REXO2: variants seen among roughly 807,000 people sequenced by gnomAD.
The protein encoded by REXO2 is oligoribonuclease, mitochondrial.
A neutral mutation model predicts 30.9 loss-of-function variants in REXO2; 17 were observed. The observed-to-expected ratio is 0.55, with a 90% CI of 0.38 to 0.82. REXO2 has a LOEUF of 0.82. REXO2 is among the 40% of genes least tolerant of loss of function. The pLI is 0.00. For missense variants in REXO2, 253 were observed against 293.2 expected (o/e 0.86, Z 1.00); for synonymous variants, 105 against 99.6 (o/e 1.05, Z -0.32).
Position 114,439,648 on chromosome 11 carries a change from T to C in REXO2, c.120T>C (p.Ala40=). ...GAAMAAGESM[A]QRMVWVDLEM... ...CCATGGCGGCAGGGGAGAGCATGGC[T>C]CAGCGGATGGTCTGGGTGGACCTGG... The change falls in exon 1 of 7, where the codon GCT becomes GCC. Residue 40 remains alanine (A), a synonymous_variant. Coordinates refer to ENST00000265881, the MANE Select transcript of REXO2 (RefSeq NM_015523.4). The C allele has an allele frequency of 6.3e-7, 1 of 1,584,474 alleles. No homozygotes were observed. Among genetic ancestry groups the C allele is most frequent in the Non-Finnish European group, 8.6e-7 (1 of 1,168,134 alleles).
At chr11:114,444,758 C>G (rs1199606873) in intron 4 of REXO2, 106 bp downstream of exon 4, 1 of 591,126 alleles carries the variant, frequency 1.7e-6, no homozygotes, top group East Asian at 3.3e-5. Flanking sequence ...TCCACTTAAC[C>G]CTGCTTTGGG....
intron 2 of REXO2, chr11:114,441,776 A>G (rs1946479957): frequency 4.3e-6 from 3 of 702,278 alleles, no homozygotes; most frequent in African/African-American, 1.7e-5. Flanking sequence ...TTCTAGATTA[A>G]TGACTGCGTT....
chr11:114,440,530 T>A, intron 1 of REXO2, 126 bp from the exon 2 acceptor site: 1 of 687,836 alleles, frequency 1.5e-6, no homozygotes, highest in Non-Finnish European at 2.5e-6. Context: ...GGAGCATTCT[T>A]TCTCTTCTGT....
In REXO2 at chr11:114,440,841, T is replaced by G. The variant is rs1317156841; in HGVS notation, c.231+102T>G. ...TATTTAAAAAATAAGAAAGTTGAGGTCTATATGGGTTAAGGTAATGTGCTA... is the reference window on the plus strand; with the variant it reads ...TATTTAAAAAATAAGAAAGTTGAGGGCTATATGGGTTAAGGTAATGTGCTA... On this transcript the variant is annotated intron_variant, in intron 2 of 6. Transcript: ENST00000265881. 3.4e-6 allele frequency: 3 copies of G among 887,910 alleles called. No homozygotes were observed. The East Asian group carries it at 7.6e-5, about 23-fold the overall frequency. The allele number at this position is 887,910 out of a possible 1,614,324, so 55.0% of individuals were successfully genotyped here. A position where few individuals can be genotyped will look rare whatever the true frequency, so the allele number is the denominator to read the frequency against.
chr11:114,447,473 G>A (rs1438071198), intron 5 of REXO2, among the ~76,000 whole-genome samples: 1 of 152,156 alleles, frequency 6.6e-6, no homozygotes, highest in Non-Finnish European at 1.5e-5. Flanking sequence ...GGTGGATGGG[G>A]CAGGGGAGGT....
At chr11:114,447,775 C>T in intron 5 of REXO2, 51 bp from the exon 6 acceptor site, 2 of 1,452,286 alleles carry the variant, frequency 1.4e-6, no homozygotes, top group Non-Finnish European at 1.9e-6. Context: ...GGTAATTGTT[C>T]AGTATATTTG....
At chr11:114,442,497 G>C (rs753716717) in intron 2 of REXO2, among the ~76,000 whole-genome samples, 13 of 151,880 alleles carry the variant, frequency 8.6e-5, no homozygotes, top group Non-Finnish European at 1.9e-4. Context: ...CAGTTTTCTT[G>C]TTTGGCTAAA....
In REXO2 at chr11:114,449,951, G is replaced by A; in HGVS notation, c.690G>A (p.Gly230=). Residue 230 remains glycine, a synonymous_variant, in exon 7 of 7, where the codon GGG becomes GGA. Coordinates refer to ENST00000265881, the MANE Select transcript of REXO2 (RefSeq NM_015523.4). The part of the protein sequence containing the change: ...DEKKRKIIEN[G]ENEKTVS ...AGAAGAGGAAAATTATAGAAAATGGGGAAAATGAGAAGACCGTGAGTTGAT... is the reference window on the plus strand; with the variant it reads ...AGAAGAGGAAAATTATAGAAAATGGAGAAAATGAGAAGACCGTGAGTTGAT... 6.2e-7 allele frequency: 1 copy of A among 1,606,120 alleles called. No homozygotes were observed. Among genetic ancestry groups the A allele is most frequent in the South Asian group, 1.1e-5 (1 of 89,876 alleles).
intron 5 of REXO2, among the ~76,000 whole-genome samples, chr11:114,447,439 AAGG>A (rs1341903752): frequency 6.6e-6 from 1 of 151,740 alleles, no homozygotes; most frequent in African/African-American, 2.4e-5. Context: ...TTCAAATAAA[AAGG>A]AGAAGAAGAA....
At chr11:114,446,987 G>C (rs1162830799) in intron 5 of REXO2, among the ~76,000 whole-genome samples, 1 of 150,020 alleles carries the variant, frequency 6.7e-6, no homozygotes, top group Non-Finnish European at 1.5e-5. Flanking sequence ...CGCCCAGGCG[G>C]GAGTGCTGTG....
At chr11:114,448,404 A>C (rs906578570) in intron 6 of REXO2, among the ~76,000 whole-genome samples, 2 of 152,174 alleles carry the variant, frequency 1.3e-5, no homozygotes, top group African/African-American at 2.4e-5. Context: ...ATGAAACCTG[A>C]TGGGAGGTTT....
chr11:114,442,134 C>G lies in REXO2; in HGVS notation c.231+1395C>G, dbSNP rs189539632. On this transcript the variant is annotated intron_variant, in intron 2 of 6. Transcript: ENST00000265881. ...GATGAATGCAGCATTTGTAAATGGA[C>G]TAAGTCAGATGAGGATAAAGATGTT... 4.7e-5 allele frequency among the ~76,000 whole-genome samples: 7 copies of G among 147,930 alleles called. No homozygotes were observed. In the East Asian group the frequency reaches 9.8e-4, roughly 21 times the overall value.
chr11:114,445,732 A>C (rs917404400), intron 4 of REXO2: 1 of 368,392 alleles, frequency 2.7e-6, no homozygotes. Context: ...GGAATGATAG[A>C]TTTGTCCTTC....
chr11:114,450,201 A>G lies in REXO2; in HGVS notation c.*226A>G, dbSNP rs9619. ...AGGTCATGTCCATCCCTTGGTACAT[A>G]TATGCATTTGCTTTTAAACCATTTC... On this transcript the variant is annotated 3_prime_UTR_variant, in exon 7 of 7. Coordinates refer to ENST00000265881, the MANE Select transcript of REXO2 (RefSeq NM_015523.4). 12,137 of 285,678 alleles carry G rather than the reference A, an allele frequency of 0.042. 311 individuals carry two copies. The highest frequency in any genetic ancestry group is 0.065 in the Middle Eastern group (75 of 1,154). The allele number at this position is 285,678 out of a possible 1,614,324, so 17.7% of individuals were successfully genotyped here.
chr11:114,449,739 C>CAGT, intron 6 of REXO2, 107 bp from the exon 7 acceptor site: 1 of 1,064,618 alleles, frequency 9.4e-7, no homozygotes. Flanking sequence ...GTGACACTTA[C>CAGT]AGTAACATCC....
rs766729413 is a variant in REXO2 at position 114,446,167 on chromosome 11, G to A, written c.530+80G>A. 6 of 814,502 alleles carry A rather than the reference G, an allele frequency of 7.4e-6. No homozygotes were observed. In the East Asian group the frequency reaches 1.5e-4, roughly 21 times the overall value. The allele number at this position is 814,502 out of a possible 1,614,324, so 50.5% of individuals were successfully genotyped here. ...AGAATTTGTGGAAAGTAATTGGATA[G>A]AGCTGTAGAACTAAGGCTACCAAGT... is the stretch of plus-strand genomic sequence containing the variant. On this transcript the variant is annotated intron_variant, in intron 5 of 6. Transcript: ENST00000265881.
intron 5 of REXO2, among the ~76,000 whole-genome samples, chr11:114,446,987 G>A (rs1162830799): frequency 1.3e-5 from 2 of 150,020 alleles, no homozygotes; most frequent in African/African-American, 4.9e-5. Context: ...CGCCCAGGCG[G>A]GAGTGCTGTG....
chr11:114,442,056 G>A (rs945165768), intron 2 of REXO2, among the ~76,000 whole-genome samples: 6 of 151,710 alleles, frequency 4.0e-5, no homozygotes, highest in Admixed American at 6.6e-5. Context: ...TAATGGACCC[G>A]TAGGTTGATA....
intron 2 of REXO2, chr11:114,441,935 T>C (rs2134782861): frequency 1.7e-6 from 1 of 596,332 alleles, no homozygotes; most frequent in Non-Finnish European, 3.0e-6. Flanking sequence ...TTGGGATTTA[T>C]TGGAGATCAA....
Sources: allele counts gnomAD v4.1 joint callset (sites outside exome capture counted in the v4.1 genomes callset), GRCh38; gene constraint gnomAD v4.1.1; transcripts MANE v1.5; gene names NCBI Gene and HGNC (gene_info 2026-07-23, HGNC 2026-07-21).